CELF2: variants seen among roughly 807,000 people sequenced by gnomAD.
CELF2 encodes the protein CUG triplet repeat RNA-binding protein 2.
A neutral mutation model predicts 62.6 loss-of-function variants in CELF2; 8 were observed. That is an observed-to-expected ratio of 0.13 (90% CI 0.07 to 0.23). The LOEUF (loss-of-function observed/expected upper bound fraction) is 0.23. Among genes scored for constraint, CELF2 ranks in the 10% least tolerant of loss-of-function variants. The probability of loss-of-function intolerance (pLI) is 1.00; values close to 1 mark genes in which losing one functional copy is unlikely to be tolerated. For synonymous variants in CELF2, 258 were observed against 250.0 expected (o/e 1.03, Z -0.30); for missense variants, 333 against 671.0 (o/e 0.50, Z 5.56).
intron 2 of CELF2, among the ~76,000 whole-genome samples, chr10:10,988,234 T>A (rs1360276639): frequency 6.6e-6 from 1 of 151,518 alleles, no homozygotes; most frequent in Non-Finnish European, 1.5e-5. Context: ...ATGTGACATA[T>A]ATAGATATAT....
rs527988762 is a variant in CELF2, at chr10:10,853,739, G to A, written c.53+54922G>A. On this transcript the variant is annotated intron_variant, in intron 1 of 13. Transcript: ENST00000636488. ...GGGAGCTGGCCTCTCGGTTCTCCTCGGCATGAGGCAGATGCCAGATTTTAG... is the reference window on the plus strand; with the variant it reads ...GGGAGCTGGCCTCTCGGTTCTCCTCAGCATGAGGCAGATGCCAGATTTTAG... Among the ~76,000 whole-genome samples, 13 of 152,138 alleles carry A rather than the reference G, an allele frequency of 8.5e-5. No homozygotes were observed. In the East Asian group the frequency reaches 1.7e-3, roughly 20 times the overall value.
chr10:11,172,476 A>C (rs1227189939), intron 2 of CELF2, among the ~76,000 whole-genome samples: 4 of 152,226 alleles, frequency 2.6e-5, no homozygotes, highest in African/African-American at 9.6e-5. Context: ...GTGCTGATTG[A>C]GATAAAGCCA....
At chr10:10,573,848 G>T in the CELF2 span, among the ~76,000 whole-genome samples, 1 of 152,142 alleles carries the variant, frequency 6.6e-6, no homozygotes, top group Admixed American at 6.5e-5. Context: ...GTGTCACAGG[G>T]ATGCAAAGAA....
At chr10:10,882,014 G>T (rs1412747205) in intron 1 of CELF2, among the ~76,000 whole-genome samples, 1 of 152,200 alleles carries the variant, frequency 6.6e-6, no homozygotes, top group African/African-American at 2.4e-5. Context: ...CACTTCAGGA[G>T]AAATGGGCAG....
At chr10:11,050,292 A>T (rs1210180688) in intron 1 of CELF2, among the ~76,000 whole-genome samples, 1 of 152,236 alleles carries the variant, frequency 6.6e-6, no homozygotes, top group Non-Finnish European at 1.5e-5. Context: ...TCCTGCTTGC[A>T]CTGATCTCTT....
upstream of CELF2, among the ~76,000 whole-genome samples, chr10:11,004,730 A>T (rs1365849675): frequency 6.6e-6 from 1 of 152,136 alleles, no homozygotes; most frequent in East Asian, 1.9e-4. The surrounding 1 kb of genome is among the most constrained non-coding windows in gnomAD (Gnocchi z 5.0). Context: ...CAGAGTTAAA[A>T]TATTTCCAAA....
the CELF2 span, among the ~76,000 whole-genome samples, chr10:10,482,382 T>C: frequency 6.6e-6 from 1 of 152,242 alleles, no homozygotes; most frequent in Non-Finnish European, 1.5e-5. Context: ...TACCAAACTA[T>C]GCTTTTATAG....
chr10:10,792,558 T>G, the CELF2 span: 2 of 397,040 alleles, frequency 5.0e-6, no homozygotes, highest in Non-Finnish European at 8.9e-6. Context: ...CAGAACAATC[T>G]AAAGCTGCCA....
the CELF2 span, among the ~76,000 whole-genome samples, chr10:10,561,644 C>A: frequency 1.3e-5 from 2 of 152,110 alleles, no homozygotes. Flanking sequence ...GGGGACAACA[C>A]CACTGAGAAG....
At chr10:11,175,066 C>T (rs1373652256) in intron 2 of CELF2, among the ~76,000 whole-genome samples, 1 of 151,804 alleles carries the variant, frequency 6.6e-6, no homozygotes, top group Non-Finnish European at 1.5e-5. Flanking sequence ...AAGTCTGCCC[C>T]CCCGCCCCAA....
At chr10:10,912,835 A>G (rs2063933216) in intron 1 of CELF2, among the ~76,000 whole-genome samples, 1 of 152,196 alleles carries the variant, frequency 6.6e-6, no homozygotes, top group Non-Finnish European at 1.5e-5. Flanking sequence ...GCTGTGTTCA[A>G]ATCCTGACTC....
intron 1 of CELF2, among the ~76,000 whole-genome samples, chr10:11,040,268 A>G (rs2061601364): frequency 6.6e-6 from 1 of 152,216 alleles, no homozygotes; most frequent in South Asian, 2.1e-4. Flanking sequence ...ACAAGCATTA[A>G]CAAGATATAG....
the CELF2 span, among the ~76,000 whole-genome samples, chr10:10,760,162 C>T: frequency 2.6e-5 from 4 of 152,160 alleles, no homozygotes; most frequent in African/African-American, 9.7e-5. Flanking sequence ...CCTCAGGCTC[C>T]CAAAGTGCTG....
At chr10:10,605,649 G>T in the CELF2 span, among the ~76,000 whole-genome samples, 2 of 152,320 alleles carry the variant, frequency 1.3e-5, no homozygotes, top group South Asian at 2.1e-4. Context: ...TGGCCAATTT[G>T]ATCCCATTGT....
In CELF2 at chr10:11,314,316, A is replaced by G; in HGVS notation, c.1096+58A>G. 6.2e-7 allele frequency: 1 copy of G among 1,612,820 alleles called. No homozygotes were observed. Among genetic ancestry groups the G allele is most frequent in the Non-Finnish European group, 8.5e-7 (1 of 1,178,914 alleles). On this transcript the variant is annotated intron_variant, in intron 10 of 12. Coordinates refer to ENST00000633077, the MANE Select transcript of CELF2 (RefSeq NM_001326342.2). The surrounding 1 kb of genome is among the most constrained non-coding windows in gnomAD (Gnocchi z 5.3). ...TGGACAGCCTTCCCCCAAATTCTCCACAGAAAGTGGTCAGCCAGAAATGAC... is the reference window on the plus strand; with the variant it reads ...TGGACAGCCTTCCCCCAAATTCTCCGCAGAAAGTGGTCAGCCAGAAATGAC...
the CELF2 span, among the ~76,000 whole-genome samples, chr10:10,485,606 G>A: frequency 6.6e-6 from 1 of 152,130 alleles, no homozygotes; most frequent in Non-Finnish European, 1.5e-5. Flanking sequence ...CTCTATTTGT[G>A]GCACTAGCAG....
intron 2 of CELF2, among the ~76,000 whole-genome samples, chr10:11,173,641 A>G (rs1270991596): frequency 1.3e-5 from 2 of 152,206 alleles, no homozygotes; most frequent in East Asian, 3.8e-4. Context: ...TCATCCTTGG[A>G]CATACAGCCC....
rs986677622 is a variant in CELF2, at chr10:11,005,580, A to T, written c.53+140A>T. ...AAAAAGAATCTAAAGAGGAAGAGGGAGATGAAATCGAGACCCAGAGATTGG... is the reference window on the plus strand; with the variant it reads ...AAAAAGAATCTAAAGAGGAAGAGGGTGATGAAATCGAGACCCAGAGATTGG... On this transcript the variant is annotated intron_variant, in intron 1 of 12. Transcript: ENST00000416382. The surrounding 1 kb of genome is among the most constrained non-coding windows in gnomAD (Gnocchi z 4.3). 7.5e-7 allele frequency: 1 copy of T among 1,335,320 alleles called. No individual in the cohort carries two copies. Among genetic ancestry groups the T allele is most frequent in the African/African-American group, 1.4e-5 (1 of 69,426 alleles). 82.7% of individuals were successfully genotyped at this position (1,335,320 alleles called of 1,614,324 possible). A position where few individuals can be genotyped will look rare whatever the true frequency, so the allele number is the denominator to read the frequency against.
At chr10:11,001,867 C>T (rs544573376), upstream of CELF2, among the ~76,000 whole-genome samples, 112 of 151,946 alleles carry the variant, frequency 7.4e-4, 1 homozygote, top group South Asian at 5.8e-3. Context: ...GCAGATGATC[C>T]CAAAAAATAT....
Sources: gnomAD v4.1 joint callset for allele counts (sites outside exome capture counted in the v4.1 genomes callset) on GRCh38, gnomAD v4.1.1 for gene constraint, Gnocchi (gnomAD v3.1) non-coding constraint, MANE v1.5 for transcripts, NCBI Gene and HGNC (gene_info 2026-07-23, HGNC 2026-07-21) for gene names.